Variants in FBXW8 observed in about 807,000 individuals in gnomAD.
The protein encoded by FBXW8 is F-box and WD repeat domain containing 8, also known as F-box/WD repeat-containing protein 8.
Under a neutral mutation model 65.3 loss-of-function variants are expected in FBXW8, and 57 were observed. The ratio of observed to expected loss-of-function variants is 0.87; its 90% CI spans 0.71 to 1.09. FBXW8 has a LOEUF of 1.09. FBXW8 is among the 50% of genes least tolerant of loss of function. FBXW8 has a pLI of 0.00. For missense variants in FBXW8, 777 were observed against 814.8 expected, an observed-to-expected ratio of 0.95 and a Z score of 0.57; for synonymous variants, 308 against 330.2, an observed-to-expected ratio of 0.93 and a Z score of 0.73.
intron 8 of FBXW8, among the ~76,000 whole-genome samples, chr12:117,023,791 C>T (rs866361134): frequency 1.5e-4 from 23 of 152,344 alleles, no homozygotes; most frequent in Middle Eastern, 6.8e-3. Context: ...GGTTATTTTA[C>T]CAACAGCAAA....
chr12:117,011,805 G>A (rs953011254), intron 8 of FBXW8, among the ~76,000 whole-genome samples: 7 of 152,086 alleles, frequency 4.6e-5, no homozygotes, highest in Admixed American at 6.5e-5. Flanking sequence ...TAGGCTCACC[G>A]GAAACCAGAA....
intron 4 of FBXW8, among the ~76,000 whole-genome samples, chr12:116,955,946 AG>A (rs957206461): frequency 6.6e-6 from 1 of 152,154 alleles, no homozygotes; most frequent in African/African-American, 2.4e-5. Context: ...CTAACCATTA[AG>A]CCATTAGCTC....
At chr12:116,972,785 A>G (rs1009481186) in intron 5 of FBXW8, among the ~76,000 whole-genome samples, 1 of 152,170 alleles carries the variant, frequency 6.6e-6, no homozygotes, top group African/African-American at 2.4e-5. Flanking sequence ...ATAGATAGAG[A>G]AGTAAACAGA....
At position 117,029,007 on chromosome 12, in the gene FBXW8, G is replaced by A. The variant is rs1954301206; in HGVS notation, c.*835G>A. Reference sequence around the variant, plus strand: ...CCTTCAGAATATCAAAGCGAAAACTGATAGAACTACAAAGAGAAATAAAAT... The same window carrying A: ...CCTTCAGAATATCAAAGCGAAAACTAATAGAACTACAAAGAGAAATAAAAT... On this transcript the variant is annotated 3_prime_UTR_variant, in exon 11 of 11. Transcript: ENST00000652555. 2 of 152,252 alleles carry A rather than the reference G, an allele frequency of 1.3e-5. No homozygotes were observed. The highest frequency in any genetic ancestry group is 2.1e-4 in the South Asian group (1 of 4,820). The allele number at this position is 152,252 out of a possible 1,614,324, so 9.4% of individuals were successfully genotyped here.
In FBXW8 at chr12:117,027,499, C is replaced by T. The variant is rs1954261340; in HGVS notation, c.1647C>T (p.His549=). Residue 549 remains histidine (H), a synonymous_variant, in exon 10 of 11, where the codon CAC becomes CAT. Coordinates refer to ENST00000652555, the MANE Select transcript of FBXW8 (RefSeq NM_153348.3). ...RNADLDSFTT[H]RRHRGLIRAY... ...CCGACCTGGACAGCTTCACTACTCA[C>T]AGGAGGTTAGTGGTGGGGCCGGGCG... 1 of 1,613,782 alleles carries T rather than the reference C, an allele frequency of 6.2e-7. No individual in the cohort carries two copies. Among genetic ancestry groups the T allele is most frequent in the African/African-American group, 1.3e-5 (1 of 75,044 alleles).
chr12:116,956,576 T>TA (rs1356144041), intron 4 of FBXW8, among the ~76,000 whole-genome samples: 14 of 152,348 alleles, frequency 9.2e-5, no homozygotes, highest in Admixed American at 7.8e-4. Flanking sequence ...TTTATATATG[T>TA]AAAAATTGGT....
chr12:116,954,111 CAAAAAA>C (rs59747365), intron 4 of FBXW8, among the ~76,000 whole-genome samples: 2 of 100,646 alleles, frequency 2.0e-5, no homozygotes, highest in African/African-American at 3.6e-5. Flanking sequence ...GACTCTGTCT[CAAAAAA>C]AAAAAAAAAA....
Position 116,988,677 on chromosome 12 carries a change from A to C in FBXW8, c.1047A>C (p.Glu349Asp), listed in dbSNP as rs1284784122. 16 of 1,614,142 alleles carry C rather than the reference A, an allele frequency of 9.9e-6. No homozygotes were observed. Among genetic ancestry groups the C allele is most frequent in the Non-Finnish European group, 1.4e-5 (16 of 1,180,026 alleles). The change falls in exon 7 of 11, where the codon GAA (glutamate) becomes GAC (aspartate). Residue 349 changes from glutamate (E) to aspartate (D), a missense_variant. Transcript: ENST00000652555. ...CCTTTTAACAGGTTCAGTACCTTGA[A>C]ATAGTTCCAGAAACCAGAAGGTACC... ...FEVPKLVQYL[E>D]IVPETRRYPV... is the part of the protein sequence containing the mutation.
intron 9 of FBXW8, among the ~76,000 whole-genome samples, chr12:117,025,178 C>A (rs1954194921): frequency 6.6e-6 from 1 of 152,172 alleles, no homozygotes; most frequent in Non-Finnish European, 1.5e-5. Context: ...GCTTGCTGCC[C>A]TCAGCACCAC....
At chr12:117,019,371 T>C (rs763701209) in intron 8 of FBXW8, among the ~76,000 whole-genome samples, 27 of 152,336 alleles carry the variant, frequency 1.8e-4, no homozygotes, top group Middle Eastern at 6.8e-3. Context: ...GTTGGCCACA[T>C]AGAATTTTAT....
intron 8 of FBXW8, among the ~76,000 whole-genome samples, chr12:117,011,514 G>A (rs186907025): frequency 6.6e-6 from 1 of 152,200 alleles, no homozygotes; most frequent in African/African-American, 2.4e-5. Context: ...CTCAGTGTGT[G>A]TGTGGGGCAC....
At chr12:116,993,622 T>A (rs1026153291) in intron 7 of FBXW8, among the ~76,000 whole-genome samples, 1 of 152,202 alleles carries the variant, frequency 6.6e-6, no homozygotes, top group Non-Finnish European at 1.5e-5. Context: ...TTTATTTGAG[T>A]TCGTAGTAGA....
chr12:117,013,413 TG>T (rs1953872572), intron 8 of FBXW8, among the ~76,000 whole-genome samples: 1 of 152,060 alleles, frequency 6.6e-6, no homozygotes, highest in Admixed American at 6.5e-5. Flanking sequence ...GTTTTATCAG[TG>T]TAGATCAATG....
intron 1 of FBXW8, among the ~76,000 whole-genome samples, chr12:116,924,723 A>G (rs1881186809): frequency 6.6e-6 from 1 of 152,244 alleles, no homozygotes; most frequent in African/African-American, 2.4e-5. Flanking sequence ...ACTAGACCAC[A>G]GCTTTTGTCC....
chr12:117,019,421 G>A (rs1201124502), intron 8 of FBXW8, among the ~76,000 whole-genome samples: 1 of 152,096 alleles, frequency 6.6e-6, no homozygotes, highest in Non-Finnish European at 1.5e-5. Flanking sequence ...CCCTGGAATC[G>A]GTTGTCTTGG....
intron 8 of FBXW8, among the ~76,000 whole-genome samples, chr12:117,014,724 G>A (rs34151234): frequency 0.035 from 5,366 of 152,270 alleles, 136 homozygotes; most frequent in Non-Finnish European, 0.051. Context: ...TTTGGTCTGC[G>A]CATGTGCCAC....
chr12:116,942,800 C>T (rs187425398), intron 2 of FBXW8, among the ~76,000 whole-genome samples: 1,529 of 85,002 alleles, frequency 0.018, 37 homozygotes, highest in African/African-American at 0.067. Flanking sequence ...TTTTTTGAGA[C>T]GGGGTCTCAC....
intron 8 of FBXW8, among the ~76,000 whole-genome samples, chr12:117,021,489 AAT>A (rs139239144): frequency 0.016 from 2,506 of 152,164 alleles, 66 homozygotes; most frequent in African/African-American, 0.057. Context: ...TCCTCCTTTG[AAT>A]ATGTTTTATA....
At chr12:116,932,128 A>C (rs1017669060) in intron 2 of FBXW8, among the ~76,000 whole-genome samples, 1 of 152,042 alleles carries the variant, frequency 6.6e-6, no homozygotes, top group Non-Finnish European at 1.5e-5. Context: ...CTGTTAATGC[A>C]TTGTATTACA....
Sources: allele counts gnomAD v4.1 joint callset (sites outside exome capture counted in the v4.1 genomes callset), GRCh38; gene constraint gnomAD v4.1.1; transcripts MANE v1.5; gene names NCBI Gene and HGNC (gene_info 2026-07-23, HGNC 2026-07-21).